PRKN: variants seen among roughly 807,000 people sequenced by gnomAD.
PRKN encodes the protein parkin RBR E3 ubiquitin protein ligase.
A neutral mutation model predicts 59.5 loss-of-function variants in PRKN; 56 were observed. That is an observed-to-expected ratio of 0.94 (90% CI 0.76 to 1.18). The LOEUF is 1.18. Ranked by LOEUF, PRKN falls within the 50% of genes most tolerant of loss-of-function variation. PRKN has a pLI of 0.00. For synonymous variants in PRKN, 250 were observed against 222.1 expected, an observed-to-expected ratio of 1.13 and a Z score of -1.12; for missense variants, 657 against 596.4, an observed-to-expected ratio of 1.10 and a Z score of -1.06.
chr6:162,111,152 C>T (rs1282598206), intron 4 of PRKN, among the ~76,000 whole-genome samples: 1 of 152,048 alleles, frequency 6.6e-6, no homozygotes, highest in Non-Finnish European at 1.5e-5. Context: ...GGTGATGGAA[C>T]AGGATGACTT....
intron 2 of PRKN, among the ~76,000 whole-genome samples, chr6:162,387,318 C>G (rs6899614): frequency 0.99 from 149,208 of 150,880 alleles, 73,787 homozygotes; most frequent in East Asian, 1. Flanking sequence ...TTATTATTCT[C>G]AACAAAAGCT....
intron 6 of PRKN, among the ~76,000 whole-genome samples, chr6:161,871,053 GAGAGAGAGAGAGAAAATA>G (rs1212055890): frequency 5.3e-5 from 7 of 133,282 alleles, no homozygotes; most frequent in South Asian, 2.4e-4. Flanking sequence ...GGAGGATGAG[GAGAGAGAGAGAGAAAATA>G]AGAGAGAGAA....
intron 10 of PRKN, among the ~76,000 whole-genome samples, chr6:161,366,350 C>A (rs896608896): frequency 1.3e-5 from 2 of 152,080 alleles, no homozygotes; most frequent in African/African-American, 4.8e-5. Flanking sequence ...TGCTGAGGGG[C>A]CGAGGCACAC....
At chr6:161,934,820 T>C (rs569788679) in intron 6 of PRKN, among the ~76,000 whole-genome samples, 182 of 152,290 alleles carry the variant, frequency 1.2e-3, no homozygotes, top group African/African-American at 4.1e-3. Context: ...CTTCCCAACA[T>C]TGAACCCCAA....
intron 7 of PRKN, among the ~76,000 whole-genome samples, chr6:161,583,120 C>G (rs115555071): frequency 2.0e-5 from 3 of 151,944 alleles, no homozygotes; most frequent in African/African-American, 7.2e-5. Context: ...TACCAAAAAG[C>G]CTAAAATGTT....
At chr6:162,563,005 T>C (rs1050769407) in intron 1 of PRKN, among the ~76,000 whole-genome samples, 3 of 152,034 alleles carry the variant, frequency 2.0e-5, no homozygotes, top group African/African-American at 4.8e-5. Flanking sequence ...ACTCTTTGTT[T>C]AAGAGAAAGC....
intron 4 of PRKN, among the ~76,000 whole-genome samples, chr6:162,150,194 T>G (rs988572791): frequency 6.6e-6 from 1 of 152,324 alleles, no homozygotes; most frequent in Admixed American, 6.5e-5. Flanking sequence ...ATGGATATTT[T>G]AAAAATACCT....
chr6:162,555,118 C>T (rs1412780715), intron 1 of PRKN, among the ~76,000 whole-genome samples: 3 of 151,998 alleles, frequency 2.0e-5, no homozygotes, highest in Admixed American at 6.6e-5. Context: ...AACGCAAACA[C>T]ATGGTAAATG....
Position 161,503,349 on chromosome 6 carries a change from T to A in PRKN, c.1083+45505A>T, listed in dbSNP as rs73782913. ...TCTTTTATACAATAGCCAAGACTCA[T>A]GAACTTCTGTTTGCTGCACACTGTG... On this transcript the variant is annotated intron_variant, in intron 9 of 11. Transcript: ENST00000366898. This position sits in a 1 kb window ranked among gnomAD's most constrained non-coding sequence, Gnocchi z 5.1. Among the ~76,000 whole-genome samples, 9,489 of 152,248 alleles carry A rather than the reference T, an allele frequency of 0.062. 375 individuals carry two copies. The highest frequency in any genetic ancestry group is 0.096 in the African/African-American group (3,983 of 41,526).
intron 1 of PRKN, among the ~76,000 whole-genome samples, chr6:162,449,709 G>T (rs896672855): frequency 6.6e-6 from 1 of 152,058 alleles, no homozygotes; most frequent in Non-Finnish European, 1.5e-5. Flanking sequence ...CTTTGTGACA[G>T]GAAGCCTCAT....
At chr6:161,875,871 G>A (rs765020414) in intron 6 of PRKN, among the ~76,000 whole-genome samples, 34 of 152,162 alleles carry the variant, frequency 2.2e-4, no homozygotes, top group Non-Finnish European at 2.4e-4. Context: ...CATAAGTACT[G>A]GGGCCATGCA....
At chr6:162,451,104 C>T (rs941040855) in intron 1 of PRKN, among the ~76,000 whole-genome samples, 14 of 151,926 alleles carry the variant, frequency 9.2e-5, no homozygotes, top group Admixed American at 8.5e-4. Context: ...TCAAGATCAA[C>T]CAAAATAAAT....
intron 3 of PRKN, among the ~76,000 whole-genome samples, chr6:162,206,757 C>G (rs1355170800): frequency 6.6e-6 from 1 of 152,110 alleles, no homozygotes; most frequent in African/African-American, 2.4e-5. Context: ...TCCTCATCAT[C>G]CATCAGGATT....
chr6:162,662,048 T>C lies in PRKN; in HGVS notation c.7+65614A>G, dbSNP rs78976401. ...TGTTTAGCCCCCATCTGTGAGAACATGCAAGCTTATATATATCTGCAATAA... is the reference window on the plus strand; with the variant it reads ...TGTTTAGCCCCCATCTGTGAGAACACGCAAGCTTATATATATCTGCAATAA... On this transcript the variant is annotated intron_variant, in intron 1 of 11. Transcript: ENST00000366898. Among the ~76,000 whole-genome samples the C allele has an allele frequency of 2.6e-4, 39 of 152,260 alleles. No individual in the cohort carries two copies. The East Asian group carries it at 6.8e-3, about 26-fold the overall frequency.
intron 1 of PRKN, among the ~76,000 whole-genome samples, chr6:162,682,913 A>C (rs976928842): frequency 6.6e-6 from 1 of 152,158 alleles, no homozygotes; most frequent in Non-Finnish European, 1.5e-5. Flanking sequence ...CAGATACAGA[A>C]CTATACAAAT....
intron 5 of PRKN, among the ~76,000 whole-genome samples, chr6:162,020,702 G>T (rs1212523961): frequency 3.3e-5 from 5 of 152,100 alleles, no homozygotes; most frequent in Non-Finnish European, 7.4e-5. Flanking sequence ...TTCAGAAATT[G>T]ATTTTTTTCT....
intron 9 of PRKN, among the ~76,000 whole-genome samples, chr6:161,418,572 C>T (rs1424422149): frequency 3.3e-5 from 5 of 152,138 alleles, no homozygotes; most frequent in Non-Finnish European, 5.9e-5. Context: ...GATCATCTTC[C>T]GCCAGTAGGT....
At chr6:162,508,477 A>C (rs1793701529) in intron 1 of PRKN, among the ~76,000 whole-genome samples, 1 of 152,186 alleles carries the variant, frequency 6.6e-6, no homozygotes, top group Non-Finnish European at 1.5e-5. Flanking sequence ...GATGACTAAC[A>C]ATTACATGGA....
chr6:162,609,050 C>A (rs1316101388), intron 1 of PRKN, among the ~76,000 whole-genome samples: 1 of 152,154 alleles, frequency 6.6e-6, no homozygotes, highest in Admixed American at 6.5e-5. Context: ...TCTGCACCAC[C>A]ATCTCAGCTT....
Sources: gnomAD v4.1 joint callset for allele counts (sites outside exome capture counted in the v4.1 genomes callset) on GRCh38, gnomAD v4.1.1 for gene constraint, Gnocchi (gnomAD v3.1) non-coding constraint, MANE v1.5 for transcripts, NCBI Gene and HGNC (gene_info 2026-07-23, HGNC 2026-07-21) for gene names.